Variants in JAKMIP2 observed in about 807,000 individuals in gnomAD.
JAKMIP2 encodes janus kinase and microtubule-interacting protein 2.
JAKMIP2 carries 25 observed loss-of-function variants against 115.0 expected under a neutral mutation model. The observed-to-expected ratio is 0.22, with a 90% CI of 0.16 to 0.30. The LOEUF is 0.30. JAKMIP2 is among the 10% of genes least tolerant of loss of function. JAKMIP2 has a pLI of 1.00. For synonymous variants in JAKMIP2, 334 were observed against 343.6 expected (o/e 0.97, Z 0.31); for missense variants, 642 against 957.6 (o/e 0.67, Z 4.35).
At chr5:147,686,135 C>A (rs1196671925) in intron 1 of JAKMIP2, among the ~76,000 whole-genome samples, 4 of 152,176 alleles carry the variant, frequency 2.6e-5, no homozygotes, top group African/African-American at 9.7e-5. Flanking sequence ...TAAAGTGCCT[C>A]TCCTCTTCAT....
At chr5:147,611,044 C>T (rs763883948) in intron 20 of JAKMIP2, among the ~76,000 whole-genome samples, 3 of 152,128 alleles carry the variant, frequency 2.0e-5, no homozygotes, top group Admixed American at 6.5e-5. Context: ...CCACCAAGAT[C>T]GGGCACCCCA....
chr5:147,704,931 T>C (rs1423599795), intron 1 of JAKMIP2, among the ~76,000 whole-genome samples: 3 of 152,042 alleles, frequency 2.0e-5, no homozygotes, highest in Admixed American at 2.0e-4. Flanking sequence ...GAAGAGAAAA[T>C]AGCACTAATA....
chr5:147,743,256 C>T (rs1312452535), intron 1 of JAKMIP2, among the ~76,000 whole-genome samples: 3 of 152,162 alleles, frequency 2.0e-5, no homozygotes, highest in Admixed American at 6.6e-5. Context: ...CACTCTCACA[C>T]GCATTATCTA....
intron 8 of JAKMIP2, 22 bp from the exon 9 acceptor site, chr5:147,640,845 A>G: frequency 6.2e-7 from 1 of 1,606,906 alleles, no homozygotes; most frequent in Non-Finnish European, 8.5e-7. Context: ...GAAAGTACCT[A>G]TTTACTGACA....
In JAKMIP2 at chr5:147,772,561, G is replaced by A. The variant is rs550588903; in HGVS notation, c.-149+9895C>T. Among the ~76,000 whole-genome samples the A allele has an allele frequency of 7.9e-5, 12 of 151,250 alleles. No homozygotes were observed. The East Asian group carries it at 2.3e-3, about 29-fold the overall frequency. On this transcript the variant is annotated intron_variant, in intron 1 of 21. Coordinates refer to ENST00000616793, the MANE Select transcript of JAKMIP2 (RefSeq NM_001270941.2). ...AGATTTTCTTTTTTTTTTTTCCTAA[G>A]AGGAGAAGATATTTTAATATCTCCT...
chr5:147,631,110 C>A (rs1453587735), intron 14 of JAKMIP2, among the ~76,000 whole-genome samples: 5 of 152,112 alleles, frequency 3.3e-5, no homozygotes, highest in Admixed American at 6.5e-5. Flanking sequence ...AGTATTAAAT[C>A]GAATTCACAT....
intron 1 of JAKMIP2, among the ~76,000 whole-genome samples, chr5:147,681,326 C>G (rs1760261695): frequency 6.6e-6 from 1 of 152,174 alleles, no homozygotes; most frequent in Non-Finnish European, 1.5e-5. Flanking sequence ...ATCTACTAAG[C>G]AAACCCTTGA....
intron 1 of JAKMIP2, among the ~76,000 whole-genome samples, chr5:147,681,443 A>G (rs1760271147): frequency 6.6e-6 from 1 of 152,098 alleles, no homozygotes; most frequent in Non-Finnish European, 1.5e-5. Context: ...ATGTCATACC[A>G]CTTTTCTTCA....
At chr5:147,657,656 G>A (rs187653645) in intron 3 of JAKMIP2, among the ~76,000 whole-genome samples, 92 of 151,990 alleles carry the variant, frequency 6.1e-4, no homozygotes, top group Non-Finnish European at 8.7e-4. Context: ...TTGTAGGTTC[G>A]GTGTTTTAAC....
intron 1 of JAKMIP2, among the ~76,000 whole-genome samples, chr5:147,676,229 G>C (rs1759951487): frequency 6.6e-6 from 1 of 152,184 alleles, no homozygotes; most frequent in Admixed American, 6.5e-5. Context: ...CCAGCTGCTG[G>C]GGAGGCTGAG....
chr5:147,643,077 C>T (rs1380902820), intron 7 of JAKMIP2, among the ~76,000 whole-genome samples: 2 of 151,984 alleles, frequency 1.3e-5, no homozygotes, highest in African/African-American at 2.4e-5. Flanking sequence ...TATTGTGGGA[C>T]CTCACCTTGC....
At chr5:147,710,668 A>G (rs1752743301) in intron 1 of JAKMIP2, among the ~76,000 whole-genome samples, 1 of 152,198 alleles carries the variant, frequency 6.6e-6, no homozygotes, top group Non-Finnish European at 1.5e-5. Context: ...TGCATAAAGG[A>G]ATGTTGTAGT....
chr5:147,734,903 T>C (rs1173846911), intron 1 of JAKMIP2, among the ~76,000 whole-genome samples: 2 of 152,182 alleles, frequency 1.3e-5, no homozygotes, highest in Non-Finnish European at 2.9e-5. Context: ...ATCCTCTGTG[T>C]AAAGTGGACA....
chr5:147,753,125 A>G (rs1160274462), intron 1 of JAKMIP2, among the ~76,000 whole-genome samples: 4 of 152,152 alleles, frequency 2.6e-5, no homozygotes, highest in Non-Finnish European at 1.5e-5. Context: ...CAAGGCAGGG[A>G]CCATGCCTCT....
At chr5:147,689,178 G>A (rs2126854595) in intron 1 of JAKMIP2, among the ~76,000 whole-genome samples, 1 of 152,272 alleles carries the variant, frequency 6.6e-6, no homozygotes, top group East Asian at 1.9e-4. Context: ...ACTTCAGGGA[G>A]CCGGGGAGGC....
chr5:147,705,372 G>A (rs1752522155), intron 1 of JAKMIP2, among the ~76,000 whole-genome samples: 3 of 152,138 alleles, frequency 2.0e-5, no homozygotes, highest in Non-Finnish European at 4.4e-5. Flanking sequence ...GGAGGTCGAG[G>A]TGGATGGATT....
chr5:147,715,530 T>C (rs1215500807), intron 1 of JAKMIP2, among the ~76,000 whole-genome samples: 1 of 151,338 alleles, frequency 6.6e-6, no homozygotes, highest in Non-Finnish European at 1.5e-5. Flanking sequence ...GTGACGGCTG[T>C]ATTAATACTA....
At chr5:147,597,943 T>C (rs1183030949) in intron 21 of JAKMIP2, among the ~76,000 whole-genome samples, 1 of 151,914 alleles carries the variant, frequency 6.6e-6, no homozygotes, top group Non-Finnish European at 1.5e-5. Flanking sequence ...CTTTGGCCTT[T>C]GACTGAGAGT....
chr5:147,732,161 G>A (rs1280848799), intron 1 of JAKMIP2, among the ~76,000 whole-genome samples: 2 of 152,002 alleles, frequency 1.3e-5, no homozygotes, highest in Non-Finnish European at 2.9e-5. Flanking sequence ...ACAGACTCCC[G>A]GTTTGCACTT....
Sources: allele counts gnomAD v4.1 joint callset (sites outside exome capture counted in the v4.1 genomes callset), GRCh38; gene constraint gnomAD v4.1.1; transcripts MANE v1.5; gene names NCBI Gene and HGNC (gene_info 2026-07-23, HGNC 2026-07-21).